The following PCBP3 variants were observed in gnomAD, a reference collection of about 807,000 sequenced individuals.
The protein encoded by PCBP3 is poly(rC)-binding protein 3.
PCBP3 carries 25 observed loss-of-function variants against 52.7 expected under a neutral mutation model. The ratio of observed to expected loss-of-function variants is 0.47; its 90% CI spans 0.35 to 0.66. The LOEUF (loss-of-function observed/expected upper bound fraction) is 0.66. Ranked by LOEUF, PCBP3 falls within the 30% of genes least tolerant of loss-of-function variation. PCBP3 has a pLI of 0.01. For missense variants in PCBP3, 391 were observed against 490.3 expected, an observed-to-expected ratio of 0.80 and a Z score of 1.91; for synonymous variants, 162 against 183.0, an observed-to-expected ratio of 0.89 and a Z score of 0.93.
At chr21:45,673,236 C>T (rs2081277950) in intron 2 of PCBP3, among the ~76,000 whole-genome samples, 1 of 152,126 alleles carries the variant, frequency 6.6e-6, no homozygotes, top group African/African-American at 2.4e-5. Flanking sequence ...AATTATTTGA[C>T]CCATTTTCTA....
intron 5 of PCBP3, among the ~76,000 whole-genome samples, chr21:45,892,128 C>T (rs886354041): frequency 7.2e-5 from 11 of 152,234 alleles, no homozygotes; most frequent in Non-Finnish European, 1.3e-4. Context: ...CAGGCAGAGG[C>T]GGAGGCTTTT....
rs199552489 is a variant in PCBP3 at position 45,689,032 on chromosome 21, AT to A, written c.-200+20089del. Among the ~76,000 whole-genome samples, 199 of 151,232 alleles carry A rather than the reference AT, an allele frequency of 1.3e-3. 1 individual carries two copies. The highest frequency in any genetic ancestry group is 3.4e-3 in the Middle Eastern group (1 of 294). On this transcript the variant is annotated intron_variant, in intron 2 of 17. Transcript: ENST00000681687. Reference sequence around the variant, plus strand: ...GAGAAAAAAATAATATTCCTACACAATTTTTTTTTCAGAAAATGGATGAGGG... The same window carrying A: ...GAGAAAAAAATAATATTCCTACACAATTTTTTTTCAGAAAATGGATGAGGG...
chr21:45,722,231 C>T (rs2084700756), intron 2 of PCBP3, among the ~76,000 whole-genome samples: 1 of 152,076 alleles, frequency 6.6e-6, no homozygotes, highest in Non-Finnish European at 1.5e-5. Flanking sequence ...TATACTGGCA[C>T]CTAAGTCAGT....
chr21:45,908,170 C>T (rs1319088556), intron 9 of PCBP3, among the ~76,000 whole-genome samples: 1 of 152,162 alleles, frequency 6.6e-6, no homozygotes, highest in Non-Finnish European at 1.5e-5. Flanking sequence ...ATTGAGGCCA[C>T]TTGGAGAGAC....
At position 45,669,789 on chromosome 21, in the gene PCBP3, G is replaced by T. The variant is rs183528663; in HGVS notation, c.-200+837G>T. 4.6e-3 allele frequency among the ~76,000 whole-genome samples: 226 copies of T among 49,390 alleles called. 1 individual carries two copies. The East Asian group carries it at 0.086, about 19-fold the overall frequency. The allele number at this position is 49,390 out of a possible 152,430, so 32.4% of individuals were successfully genotyped here. On this transcript the variant is annotated intron_variant, in intron 2 of 17. Coordinates refer to ENST00000681687, the MANE Select transcript of PCBP3 (RefSeq NM_001384156.1). ...TTTTAAGACTGAATAATATTCCATT[G>T]TGTGTGTGTGTGTGTGTATATATAT...
chr21:45,941,555 C>G (rs1312464117), intron 17 of PCBP3, 115 bp from the exon 18 acceptor site: 6 of 885,018 alleles, frequency 6.8e-6, no homozygotes, highest in Admixed American at 2.3e-5. Context: ...CCTGAGCTGA[C>G]CGGGATGGCC....
At chr21:45,708,710 A>G (rs2083619239) in intron 2 of PCBP3, among the ~76,000 whole-genome samples, 1 of 152,232 alleles carries the variant, frequency 6.6e-6, no homozygotes. Context: ...ATTCAGAAAT[A>G]CTTTTAGGGA....
At chr21:45,874,593 G>A (rs984047936) in intron 5 of PCBP3, among the ~76,000 whole-genome samples, 1 of 151,132 alleles carries the variant, frequency 6.6e-6, no homozygotes, top group African/African-American at 2.4e-5. Flanking sequence ...GCAACCTCGG[G>A]CTCCCAGGTT....
intron 1 of PCBP3, among the ~76,000 whole-genome samples, chr21:45,658,447 G>T (rs754301497): frequency 6.6e-6 from 1 of 152,134 alleles, no homozygotes; most frequent in African/African-American, 2.4e-5. Context: ...GGGATGACAG[G>T]TGCGTGCCAC....
chr21:45,894,095 G>A, intron 5 of PCBP3: 8 of 936,282 alleles, frequency 8.5e-6, no homozygotes, highest in African/African-American at 1.8e-5. Flanking sequence ...AGCTCTGGGA[G>A]CTGCTGACTG....
intron 16 of PCBP3, among the ~76,000 whole-genome samples, chr21:45,937,514 C>A (rs2077004128): frequency 6.6e-6 from 1 of 152,242 alleles, no homozygotes; most frequent in African/African-American, 2.4e-5. Flanking sequence ...CGACAGTGGT[C>A]TCTAGGAGGA....
Position 45,786,035 on chromosome 21 carries a change from C to G in PCBP3, c.-126+30583C>G, listed in dbSNP as rs574395944. On this transcript the variant is annotated intron_variant, in intron 4 of 17. Transcript: ENST00000681687. ...TCCTCTGCCTAGGAAAACCAGAGAC[C>G]TTTGTTCACTTGTTTATCTGCTGAC... 2.5e-4 allele frequency among the ~76,000 whole-genome samples: 38 copies of G among 150,178 alleles called. No individual in the cohort carries two copies. In the South Asian group the frequency reaches 8.2e-3, roughly 32 times the overall value.
chr21:45,672,120 G>A (rs998177849), intron 2 of PCBP3, among the ~76,000 whole-genome samples: 10 of 152,088 alleles, frequency 6.6e-5, no homozygotes, highest in African/African-American at 2.2e-4. Flanking sequence ...TGTTATCAGG[G>A]GAGTGGAATT....
intron 1 of PCBP3, among the ~76,000 whole-genome samples, chr21:45,662,135 A>AT (rs1186762504): frequency 6.6e-6 from 1 of 151,878 alleles, no homozygotes; most frequent in Non-Finnish European, 1.5e-5. Flanking sequence ...CTTTTAAGTT[A>AT]TTATTAAGTC....
Position 45,941,748 on chromosome 21 carries a change from G to A in PCBP3, c.*42G>A, listed in dbSNP as rs749102400. The A allele has an allele frequency of 1.3e-6, 2 of 1,564,802 alleles. No individual in the cohort carries two copies. Among genetic ancestry groups the A allele is most frequent in the South Asian group, 1.2e-5 (1 of 85,864 alleles). ...TCCCCCGCGTCACCCACCTGCCAGA[G>A]CCTAAGGCCCCCGGCTCTCGCACTC... is the stretch of plus-strand genomic sequence containing the variant. On this transcript the variant is annotated 3_prime_UTR_variant, in exon 18 of 18. Coordinates refer to ENST00000681687, the MANE Select transcript of PCBP3 (RefSeq NM_001384156.1).
At chr21:45,768,264 A>T (rs1320889359) in intron 4 of PCBP3, among the ~76,000 whole-genome samples, 1 of 151,990 alleles carries the variant, frequency 6.6e-6, no homozygotes, top group African/African-American at 2.4e-5. Flanking sequence ...GCAGTGAGCC[A>T]CCCTCACGTT....
intron 1 of PCBP3, among the ~76,000 whole-genome samples, chr21:45,654,129 T>A (rs1186275450): frequency 6.6e-6 from 1 of 152,134 alleles, no homozygotes; most frequent in African/African-American, 2.4e-5. Context: ...ATATTGGTAT[T>A]AATAGTATTA....
Position 45,829,509 on chromosome 21 carries a change from C to G in PCBP3, c.-125-20452C>G, listed in dbSNP as rs1338114175. 2.0e-5 allele frequency: 3 copies of G among 152,276 alleles called. No homozygotes were observed. Among genetic ancestry groups the G allele is most frequent in the African/African-American group, 7.2e-5 (3 of 41,452 alleles). 9.4% of individuals were successfully genotyped at this position (152,276 alleles called of 1,614,324 possible). ...CTGGCTTTAGAGTGTCCCAGTGTCTCTTGCAGTGTTTTCTGAACATTTTGT... is the reference window on the plus strand; with the variant it reads ...CTGGCTTTAGAGTGTCCCAGTGTCTGTTGCAGTGTTTTCTGAACATTTTGT... On this transcript the variant is annotated intron_variant, in intron 4 of 17. Coordinates refer to ENST00000681687, the MANE Select transcript of PCBP3 (RefSeq NM_001384156.1). The surrounding 1 kb of genome is among the most constrained non-coding windows in gnomAD (Gnocchi z 5.2).
chr21:45,741,754 T>C lies in PCBP3; in HGVS notation c.-162+6325T>C, dbSNP rs780982629. Among the ~76,000 whole-genome samples the C allele has an allele frequency of 1.3e-5, 2 of 152,236 alleles. No individual in the cohort carries two copies. Among genetic ancestry groups the C allele is most frequent in the African/African-American group, 4.8e-5 (2 of 41,460 alleles). ...AGGCCCTGAGCTCCCTTGCTTGCCCTGCTCCTGCCAGGGCAGACTTCCACT... is the reference window on the plus strand; with the variant it reads ...AGGCCCTGAGCTCCCTTGCTTGCCCCGCTCCTGCCAGGGCAGACTTCCACT... On this transcript the variant is annotated intron_variant, in intron 3 of 17. Transcript: ENST00000681687. The surrounding 1 kb of genome is among the most constrained non-coding windows in gnomAD (Gnocchi z 4.5).
Sources: gnomAD v4.1 joint callset for allele counts (sites outside exome capture counted in the v4.1 genomes callset) on GRCh38, gnomAD v4.1.1 for gene constraint, Gnocchi (gnomAD v3.1) non-coding constraint, MANE v1.5 for transcripts, NCBI Gene and HGNC (gene_info 2026-07-23, HGNC 2026-07-21) for gene names.